Variants in METAP1D observed in about 807,000 individuals in gnomAD.
METAP1D encodes the protein methionyl aminopeptidase type 1D, mitochondrial, also known as methionine aminopeptidase 1D, mitochondrial.
In METAP1D, 31 loss-of-function variants were observed where a neutral mutation model predicts 40.5. The ratio of observed to expected loss-of-function variants is 0.77; its 90% CI spans 0.58 to 1.03. The LOEUF is 1.03. Among genes scored for constraint, METAP1D ranks in the 50% least tolerant of loss-of-function variants. METAP1D has a pLI of 0.00. For synonymous variants in METAP1D, 151 were observed against 146.4 expected (o/e 1.03, Z -0.22); for missense variants, 411 against 420.7 (o/e 0.98, Z 0.20).
chr2:172,008,306 A>G (rs1688635772), intron 1 of METAP1D, among the ~76,000 whole-genome samples: 1 of 152,168 alleles, frequency 6.6e-6, no homozygotes, highest in Non-Finnish European at 1.5e-5. Flanking sequence ...GGAGTTTACA[A>G]ATGACAATAT....
At chr2:172,010,555 G>A (rs1162186876) in intron 1 of METAP1D, among the ~76,000 whole-genome samples, 1 of 133,638 alleles carries the variant, frequency 7.5e-6, no homozygotes, top group Non-Finnish European at 1.5e-5. Context: ...GGACAGTGGT[G>A]CAATCTCAGC....
chr2:172,000,275 G>A (rs1688426978), intron 1 of METAP1D, among the ~76,000 whole-genome samples: 1 of 152,204 alleles, frequency 6.6e-6, no homozygotes, highest in Admixed American at 6.5e-5. Flanking sequence ...GCGGGCCATT[G>A]TCTGAAGTTT....
chr2:172,006,349 A>G (rs1027187940), intron 1 of METAP1D, among the ~76,000 whole-genome samples: 1 of 152,004 alleles, frequency 6.6e-6, no homozygotes, highest in Non-Finnish European at 1.5e-5. Context: ...ACGCCCAGCT[A>G]ATTTTTTGTA....
intron 1 of METAP1D, among the ~76,000 whole-genome samples, chr2:172,051,037 C>G (rs1383570269): frequency 1.3e-5 from 2 of 151,340 alleles, no homozygotes; most frequent in African/African-American, 4.9e-5. Context: ...CAAGTATATA[C>G]CATTTCATTG....
chr2:171,999,978 G>A lies in METAP1D; in HGVS notation c.9G>A (p.Ala3=). The A allele has an allele frequency of 1.5e-6, 2 of 1,352,814 alleles. No homozygotes were observed. Among genetic ancestry groups the A allele is most frequent in the South Asian group, 1.8e-5 (1 of 54,418 alleles). 83.8% of individuals were successfully genotyped at this position (1,352,814 alleles called of 1,614,324 possible). Residue 3 remains alanine (A), a synonymous_variant, in exon 1 of 10, where the codon GCG becomes GCA. Coordinates refer to ENST00000315796, the MANE Select transcript of METAP1D (RefSeq NM_199227.3). ...ACGTGACCGACGCCAACATGGCGGC[G>A]CCCAGTGGCGTCCACCTGCTCGTCC... MA[A]PSGVHLLVRR...
chr2:172,013,100 A>G (rs1037230814), intron 1 of METAP1D, among the ~76,000 whole-genome samples: 4 of 152,252 alleles, frequency 2.6e-5, no homozygotes, highest in Non-Finnish European at 5.9e-5. Context: ...GACCTTGAAC[A>G]CAGCTAATTG....
rs187890667 is a variant in METAP1D, at chr2:172,044,943, A to G, written c.41-16555A>G. On this transcript the variant is annotated intron_variant, in intron 1 of 9. Coordinates refer to ENST00000315796, the MANE Select transcript of METAP1D (RefSeq NM_199227.3). ...TGAAAAACAACCCAAGAGACCTAATAGGAGACTTCACAAAAGAGGATACAG... is the reference window on the plus strand; with the variant it reads ...TGAAAAACAACCCAAGAGACCTAATGGGAGACTTCACAAAAGAGGATACAG... Among the ~76,000 whole-genome samples, 185 of 131,238 alleles carry G rather than the reference A, an allele frequency of 1.4e-3. 21 individuals are homozygous for G. The highest frequency in any genetic ancestry group is 0.011 in the East Asian group (37 of 3,404). The allele number at this position is 131,238 out of a possible 152,430, so 86.1% of individuals were successfully genotyped here. A position where few individuals can be genotyped will look rare whatever the true frequency, so the allele number is the denominator to read the frequency against.
intron 1 of METAP1D, among the ~76,000 whole-genome samples, chr2:172,030,155 TCTC>T (rs1689207275): frequency 6.6e-6 from 1 of 151,370 alleles, no homozygotes; most frequent in South Asian, 2.1e-4. Context: ...AATGGTGTGA[TCTC>T]GGCTCACCAC....
chr2:172,029,569 G>A (rs530794990), intron 1 of METAP1D, among the ~76,000 whole-genome samples: 6 of 152,114 alleles, frequency 3.9e-5, no homozygotes, highest in East Asian at 1.9e-4. Context: ...ATATTACAGC[G>A]AAACAGAGAT....
intron 5 of METAP1D, among the ~76,000 whole-genome samples, chr2:172,067,813 T>G (rs1056212505): frequency 6.6e-6 from 1 of 152,172 alleles, no homozygotes; most frequent in Non-Finnish European, 1.5e-5. Context: ...TAAAGCAAAG[T>G]GAAATATTTC....
chr2:172,077,707 C>T (rs1690580571), intron 6 of METAP1D, 90 bp from the exon 7 acceptor site: 1 of 590,560 alleles, frequency 1.7e-6, no homozygotes, highest in South Asian at 2.6e-5. Flanking sequence ...TTTTCTTTTT[C>T]AGAGAATATT....
intron 1 of METAP1D, among the ~76,000 whole-genome samples, chr2:172,041,726 TTA>T (rs67708838): frequency 0.082 from 3,064 of 37,294 alleles, 196 homozygotes; most frequent in African/African-American, 0.11. Context: ...TCTAATTATT[TTA>T]TATATATATA....
intron 1 of METAP1D, among the ~76,000 whole-genome samples, chr2:172,027,536 C>G (rs186310925): frequency 1.6e-4 from 24 of 152,310 alleles, no homozygotes; most frequent in Middle Eastern, 3.4e-3. Context: ...AATCACAGAT[C>G]ACCTAATGAT....
chr2:172,006,160 C>G (rs533250881), intron 1 of METAP1D, among the ~76,000 whole-genome samples: 1 of 150,026 alleles, frequency 6.7e-6, no homozygotes, highest in Non-Finnish European at 1.5e-5. Flanking sequence ...CAGAGTATGA[C>G]ATACAAGCAG....
At chr2:172,023,012 CCTCGT>C (rs1212242620) in intron 1 of METAP1D, among the ~76,000 whole-genome samples, 2 of 152,102 alleles carry the variant, frequency 1.3e-5, no homozygotes, top group African/African-American at 4.8e-5. Flanking sequence ...CATGGAGAAA[CCTCGT>C]CTCTACTAAA....
chr2:172,040,928 G>A (rs1214760472), intron 1 of METAP1D, among the ~76,000 whole-genome samples: 1 of 151,546 alleles, frequency 6.6e-6, no homozygotes, highest in Non-Finnish European at 1.5e-5. Context: ...TGTATTTTTA[G>A]TAGAGACGCC....
Position 172,044,397 on chromosome 2 carries a change from A to G in METAP1D, c.41-17101A>G, listed in dbSNP as rs568841697. Among the ~76,000 whole-genome samples, 97 of 25,036 alleles carry G rather than the reference A, an allele frequency of 3.9e-3. 12 individuals are homozygous for G. The highest frequency in any genetic ancestry group is 0.014 in the South Asian group (5 of 370). The allele number at this position is 25,036 out of a possible 152,430, so 16.4% of individuals were successfully genotyped here. On this transcript the variant is annotated intron_variant, in intron 1 of 9. Coordinates refer to ENST00000315796, the MANE Select transcript of METAP1D (RefSeq NM_199227.3). Reference sequence around the variant, plus strand: ...AACATGGTGAAACCCTGTCTCTCTTAAAAATACAAAAAAAAAAAAAAAAAA... The same window carrying G: ...AACATGGTGAAACCCTGTCTCTCTTGAAAATACAAAAAAAAAAAAAAAAAA...
At chr2:172,025,942 C>G (rs767189587) in intron 1 of METAP1D, among the ~76,000 whole-genome samples, 12 of 152,106 alleles carry the variant, frequency 7.9e-5, no homozygotes, top group Non-Finnish European at 1.3e-4. Context: ...GTAGGCATCT[C>G]TAAAATATTA....
In METAP1D at chr2:172,080,991, G is replaced by T. The variant is rs1690696448; in HGVS notation, c.*585G>T. ...ATCGCGGCTTTGCGATGAAAGATTA[G>T]CCCGCGAACAGAGGCATTGATTACA... On this transcript the variant is annotated 3_prime_UTR_variant, in exon 10 of 10. Coordinates refer to ENST00000315796, the MANE Select transcript of METAP1D (RefSeq NM_199227.3). The T allele has an allele frequency of 6.3e-6, 1 of 158,554 alleles. No individual in the cohort carries two copies. Among genetic ancestry groups the T allele is most frequent in the Non-Finnish European group, 1.4e-5 (1 of 71,916 alleles). 9.8% of individuals were successfully genotyped at this position (158,554 alleles called of 1,614,324 possible).
Sources: allele counts gnomAD v4.1 joint callset (sites outside exome capture counted in the v4.1 genomes callset), GRCh38; gene constraint gnomAD v4.1.1; transcripts MANE v1.5; gene names NCBI Gene and HGNC (gene_info 2026-07-23, HGNC 2026-07-21).